The following LARP1 variants were observed in gnomAD, a reference collection of about 807,000 sequenced individuals.
LARP1 encodes the protein la-related protein 1.
In LARP1, 36 loss-of-function variants were observed where a neutral mutation model predicts 122.7. That is an observed-to-expected ratio of 0.29 (90% CI 0.22 to 0.39). The LOEUF (loss-of-function observed/expected upper bound fraction) is 0.39. Ranked by LOEUF, LARP1 falls within the 10% of genes least tolerant of loss-of-function variation. The pLI, the probability that LARP1 is intolerant of heterozygous loss-of-function variation, is 1.00. For synonymous variants in LARP1, 539 were observed against 528.7 expected (o/e 1.02, Z -0.27); for missense variants, 1,040 against 1,403.6 (o/e 0.74, Z 4.14).
chr5:154,717,645 C>T (rs1755591433), intron 1 of LARP1, among the ~76,000 whole-genome samples: 1 of 152,172 alleles, frequency 6.6e-6, no homozygotes, highest in Admixed American at 6.5e-5. Flanking sequence ...CATTTAGGGA[C>T]AGGTAAGGCC....
intron 1 of LARP1, among the ~76,000 whole-genome samples, chr5:154,762,931 TTAAAC>T (rs1359475008): frequency 2.6e-5 from 4 of 152,208 alleles, no homozygotes; most frequent in Non-Finnish European, 5.9e-5. Flanking sequence ...TGCTTTTCAC[TTAAAC>T]TAATTTATTT....
chr5:154,769,479 G>A (rs764570875), intron 1 of LARP1, among the ~76,000 whole-genome samples: 13 of 152,318 alleles, frequency 8.5e-5, no homozygotes, highest in East Asian at 7.7e-4. Context: ...ACGTGGGGAC[G>A]ACTTTAAGGT....
chr5:154,778,118 G>T (rs1756072511), intron 1 of LARP1, among the ~76,000 whole-genome samples: 1 of 152,002 alleles, frequency 6.6e-6, no homozygotes, highest in Non-Finnish European at 1.5e-5. Context: ...AAATTAGCTG[G>T]GCGTGGTGGT....
intron 1 of LARP1, among the ~76,000 whole-genome samples, chr5:154,743,768 C>CAG (rs1406306655): frequency 6.6e-6 from 1 of 151,846 alleles, no homozygotes; most frequent in Admixed American, 6.6e-5. Flanking sequence ...TACAGGCACC[C>CAG]GCCATGACAC....
rs1221111898 is a variant in LARP1, at chr5:154,800,870, C to T, written c.1716+828C>T. Among the ~76,000 whole-genome samples the T allele has an allele frequency of 2.6e-5, 4 of 152,172 alleles. No individual in the cohort carries two copies. The South Asian group carries it at 8.3e-4, about 32-fold the overall frequency. On this transcript the variant is annotated intron_variant, in intron 10 of 18. Transcript: ENST00000518297. ...CCTTTCTCTTGCCTGCCTGTTCATA[C>T]ACAGAATTCCCCACAGTTGTGGCTT...
chr5:154,693,359 G>C (rs916739685), intron 1 of LARP1, among the ~76,000 whole-genome samples: 1 of 152,034 alleles, frequency 6.6e-6, no homozygotes, highest in African/African-American at 2.4e-5. Flanking sequence ...CTCACAAGCA[G>C]GTTTCTAAAG....
chr5:154,693,583 C>A (rs915215010), intron 1 of LARP1, among the ~76,000 whole-genome samples: 3 of 152,164 alleles, frequency 2.0e-5, no homozygotes, highest in East Asian at 3.9e-4. Flanking sequence ...CGACTGGGCG[C>A]GGTGGCTCAC....
At chr5:154,790,573 A>G in intron 2 of LARP1, 72 bp from the exon 3 acceptor site, 1 of 1,541,142 alleles carries the variant, frequency 6.5e-7, no homozygotes, top group Non-Finnish European at 9.0e-7. Context: ...TCTCTTGGTG[A>G]AGCTTGGGTC....
chr5:154,700,486 C>T (rs1181325614), intron 1 of LARP1, among the ~76,000 whole-genome samples: 6 of 151,694 alleles, frequency 4.0e-5, no homozygotes, highest in Non-Finnish European at 8.8e-5. Context: ...GAGCCATGAT[C>T]GTGCTACTGC....
intron 8 of LARP1, among the ~76,000 whole-genome samples, chr5:154,799,317 C>A (rs986530905): frequency 2.0e-5 from 3 of 152,112 alleles, no homozygotes; most frequent in Non-Finnish European, 4.4e-5. Context: ...CATACTGCTC[C>A]CTGTTTGTGC....
chr5:154,731,031 G>T (rs1756531042), intron 1 of LARP1, among the ~76,000 whole-genome samples: 1 of 151,880 alleles, frequency 6.6e-6, no homozygotes, highest in Non-Finnish European at 1.5e-5. Flanking sequence ...CACCATGTTG[G>T]CCAGGCTGGT....
At chr5:154,757,042 C>T (rs1195345464) in intron 1 of LARP1, 1 of 147,376 alleles carries the variant, frequency 6.8e-6, no homozygotes, top group Non-Finnish European at 1.5e-5. Flanking sequence ...CGCTCGGCCT[C>T]GGCGTTCGGT....
intron 1 of LARP1, among the ~76,000 whole-genome samples, chr5:154,761,692 G>T (rs945238513): frequency 2.6e-5 from 4 of 152,292 alleles, no homozygotes; most frequent in African/African-American, 9.6e-5. Context: ...GCCTTACCTT[G>T]CCTGGGATTC....
At position 154,792,768 on chromosome 5, in the gene LARP1, T is replaced by C; in HGVS notation, c.711T>C (p.Asp237=). ...ESGEEKNGDE[D]CQRGGQKKKG... ...GGGAGGAAAAGAATGGAGATGAGGA[T>C]TGCCAGCGAGGCGGGCAGAAGAAGA... The change falls in exon 4 of 19, where the codon GAT becomes GAC. Residue 237 remains aspartate (D), a synonymous_variant. Transcript: ENST00000518297. 6.2e-7 allele frequency: 1 copy of C among 1,614,038 alleles called. No homozygotes were observed. The highest frequency in any genetic ancestry group is 8.5e-7 in the Non-Finnish European group (1 of 1,179,980).
chr5:154,719,945 A>T (rs1312554013), intron 1 of LARP1, among the ~76,000 whole-genome samples: 1 of 151,876 alleles, frequency 6.6e-6, no homozygotes. Context: ...TAATCCCAGC[A>T]CTTTGGGAGG....
At chr5:154,696,350 C>G (rs1301996093) in intron 1 of LARP1, among the ~76,000 whole-genome samples, 1 of 140,944 alleles carries the variant, frequency 7.1e-6, no homozygotes, top group Non-Finnish European at 1.6e-5. Context: ...GACAGAGACC[C>G]TGTCTCAAAA....
At chr5:154,750,950 C>A (rs114521626), upstream of LARP1, among the ~76,000 whole-genome samples, 10 of 152,308 alleles carry the variant, frequency 6.6e-5, no homozygotes, top group African/African-American at 2.4e-4. Context: ...ACTCTAGGCA[C>A]AAGTTAGCCT....
At chr5:154,795,945 ATATAT>A (rs1757742424) in intron 8 of LARP1, among the ~76,000 whole-genome samples, 1 of 113,256 alleles carries the variant, frequency 8.8e-6, no homozygotes, top group African/African-American at 3.6e-5. Context: ...TTATATATTT[ATATAT>A]TATATATATT....
At position 154,803,206 on chromosome 5, in the gene LARP1, C is replaced by T. The variant is rs906319091; in HGVS notation, c.2110-84C>T. 9.6e-5 allele frequency: 152 copies of T among 1,579,574 alleles called. 1 individual carries two copies. In the Admixed American group the frequency reaches 2.5e-3, roughly 26 times the overall value. On this transcript the variant is annotated intron_variant, in intron 11 of 18. Coordinates refer to ENST00000518297, the MANE Select transcript of LARP1 (RefSeq NM_033551.3). The surrounding 1 kb of genome is among the most constrained non-coding windows in gnomAD (Gnocchi z 4.4). ...TCGACGTGGGAGCTGCCCTCTCCAA[C>T]TTCCTGCCAGTCTTGATTCCTTAAA... is the stretch of plus-strand genomic sequence containing the variant.
Sources: gnomAD v4.1 joint callset for allele counts (sites outside exome capture counted in the v4.1 genomes callset) on GRCh38, gnomAD v4.1.1 for gene constraint, Gnocchi (gnomAD v3.1) non-coding constraint, MANE v1.5 for transcripts, NCBI Gene and HGNC (gene_info 2026-07-23, HGNC 2026-07-21) for gene names.